The following ANKRD27 variants were observed in gnomAD, a reference collection of about 807,000 sequenced individuals.
ANKRD27 encodes ankyrin repeat domain 27.
Under a neutral mutation model 129.7 loss-of-function variants are expected in ANKRD27, and 112 were observed. That is an observed-to-expected ratio of 0.86 (90% confidence interval 0.74 to 1.01). The LOEUF (loss-of-function observed/expected upper bound fraction) is 1.01, where lower values mean the gene tolerates loss of function less well. ANKRD27 is among the 50% of genes least tolerant of loss of function. The pLI, the probability that ANKRD27 is intolerant of heterozygous loss-of-function variation, is 0.00. For synonymous variants in ANKRD27, 516 were observed against 511.2 expected (o/e 1.01, Z -0.13); for missense variants, 1,258 against 1,300.5 (o/e 0.97, Z 0.50).
At chr19:32,606,151 C>T (rs370246981) in intron 23 of ANKRD27, among the ~76,000 whole-genome samples, 197 bp from the exon 24 acceptor site, 9 of 125,526 alleles carry the variant, frequency 7.2e-5, no homozygotes, top group African/African-American at 1.5e-4. Context: ...GTTTTTCTTT[C>T]TTTTTTTTTT....
At chr19:32,606,139 T>C (rs556010885) in intron 23 of ANKRD27, among the ~76,000 whole-genome samples, 185 bp from the exon 24 acceptor site, 24 of 145,510 alleles carry the variant, frequency 1.6e-4, no homozygotes, top group African/African-American at 6.2e-4. Flanking sequence ...TTGTTCTTTT[T>C]GGTTTTTCTT....
intron 12 of ANKRD27, among the ~76,000 whole-genome samples, chr19:32,632,711 G>A (rs1187026343): frequency 3.3e-5 from 5 of 151,822 alleles, no homozygotes; most frequent in African/African-American, 7.3e-5. Context: ...TGACAAATTC[G>A]CTTCCTGAAA....
intron 20 of ANKRD27, 112 bp downstream of exon 20, chr19:32,619,148 G>A: frequency 7.1e-7 from 1 of 1,411,738 alleles, no homozygotes; most frequent in Non-Finnish European, 9.5e-7. Context: ...GCCTCAGCAT[G>A]GGCAAGCAGG....
Position 32,615,010 on chromosome 19 carries a change from C to A in ANKRD27, c.2175+648G>T, listed in dbSNP as rs73577316. Among the ~76,000 whole-genome samples the A allele has an allele frequency of 1.8e-3, 280 of 152,250 alleles. 1 individual carries two copies. Among genetic ancestry groups the A allele is most frequent in the African/African-American group, 6.4e-3 (268 of 41,556 alleles). ...AAGAGTGAACTCAACTGAGTAAAAG[C>A]AACAGCAGAACATGCGTGCAGCTTC... On this transcript the variant is annotated intron_variant, in intron 22 of 28. Transcript: ENST00000306065.
chr19:32,604,726 G>A (rs1971705900), intron 24 of ANKRD27, among the ~76,000 whole-genome samples: 1 of 152,164 alleles, frequency 6.6e-6, no homozygotes, highest in South Asian at 2.1e-4. Context: ...CAAAGTTTGA[G>A]TAAATAAGTT....
chr19:32,630,631 G>T (rs184439377), intron 13 of ANKRD27, among the ~76,000 whole-genome samples: 3 of 152,290 alleles, frequency 2.0e-5, no homozygotes, highest in African/African-American at 7.2e-5. Context: ...AGCACAGCAC[G>T]CTGGGGGAGG....
intron 2 of ANKRD27, among the ~76,000 whole-genome samples, 169 bp from the exon 3 acceptor site, chr19:32,649,961 T>TCTG (rs1162161985): frequency 6.6e-6 from 1 of 152,158 alleles, no homozygotes; most frequent in African/African-American, 2.4e-5. Flanking sequence ...GCTGAGGTGA[T>TCTG]CTGCTGCTGC....
chr19:32,642,216 A>AAC lies in ANKRD27; in HGVS notation c.783-72_783-71insGT. ...AACCCTCTGGCCTGGATCTAAGAAC[A>AAC]CATCTCAGGATCTACACTTCTCACA... On this transcript the variant is annotated intron_variant, in intron 9 of 28. Coordinates refer to ENST00000306065, the MANE Select transcript of ANKRD27 (RefSeq NM_032139.3). 7 of 1,354,538 alleles carry AAC rather than the reference A, an allele frequency of 5.2e-6. No homozygotes were observed. In the South Asian group the frequency reaches 5.5e-5, roughly 11 times the overall value. The allele number at this position is 1,354,538 out of a possible 1,614,324, so 83.9% of individuals were successfully genotyped here.
At chr19:32,629,927 A>C (rs1445588396) in intron 13 of ANKRD27, among the ~76,000 whole-genome samples, 1 of 148,644 alleles carries the variant, frequency 6.7e-6, no homozygotes, top group African/African-American at 2.5e-5. Context: ...TTTAGAAACA[A>C]GGTCTTGCTA....
intron 1 of ANKRD27, among the ~76,000 whole-genome samples, chr19:32,672,340 C>G (rs1967887460): frequency 6.6e-6 from 1 of 152,204 alleles, no homozygotes; most frequent in Non-Finnish European, 1.5e-5. Context: ...TCCTCCTGAC[C>G]TATAACATTT....
At chr19:32,665,396 T>C (rs1444812344) in intron 1 of ANKRD27, among the ~76,000 whole-genome samples, 1 of 151,662 alleles carries the variant, frequency 6.6e-6, no homozygotes, top group Admixed American at 6.6e-5. Context: ...TTCAAGCAAT[T>C]CTCCTGCCTC....
intron 3 of ANKRD27, 113 bp from the exon 4 acceptor site, chr19:32,646,728 G>C: frequency 1.9e-6 from 2 of 1,071,862 alleles, no homozygotes; most frequent in Admixed American, 2.8e-5. Context: ...CCCCATTGTG[G>C]GTTTGCTGGG....
At chr19:32,664,659 T>TAATAAA (rs1399389861) in intron 1 of ANKRD27, among the ~76,000 whole-genome samples, 51 of 136,406 alleles carry the variant, frequency 3.7e-4, no homozygotes, top group Non-Finnish European at 5.8e-4. Flanking sequence ...ATAATAATAA[T>TAATAAA]AAAAAGTTCT....
intron 13 of ANKRD27, among the ~76,000 whole-genome samples, chr19:32,629,762 C>T (rs1164096928): frequency 9.3e-5 from 14 of 150,622 alleles, no homozygotes; most frequent in Admixed American, 8.0e-4. Flanking sequence ...ATAGGAATGG[C>T]GGGCAGACAA....
intron 2 of ANKRD27, among the ~76,000 whole-genome samples, chr19:32,655,780 G>A (rs1250681503): frequency 6.6e-6 from 1 of 152,122 alleles, no homozygotes; most frequent in Non-Finnish European, 1.5e-5. Flanking sequence ...CACTTTGGGA[G>A]GCCAAGGCAG....
chr19:32,612,810 G>C (rs1971854002), intron 22 of ANKRD27, among the ~76,000 whole-genome samples: 2 of 152,214 alleles, frequency 1.3e-5, no homozygotes, highest in Admixed American at 6.5e-5. Flanking sequence ...ACACAAATTG[G>C]ATCATGGACT....
chr19:32,624,981 G>T lies in ANKRD27; in HGVS notation c.1629+893C>A, dbSNP rs187982469. ...TTAAAAAGTAAAAAATAAAGGCCAG[G>T]TGCGGTGGCTCACTCCTGTAATCCC... is the stretch of plus-strand genomic sequence containing the variant. On this transcript the variant is annotated intron_variant, in intron 17 of 28. Coordinates refer to ENST00000306065, the MANE Select transcript of ANKRD27 (RefSeq NM_032139.3). 9.6e-3 allele frequency among the ~76,000 whole-genome samples: 1,455 copies of T among 152,080 alleles called. 14 individuals carry two copies. The highest frequency in any genetic ancestry group is 0.024 in the Middle Eastern group (7 of 294).
At chr19:32,672,927 C>T (rs938934270) in intron 1 of ANKRD27, 2 of 152,216 alleles carry the variant, frequency 1.3e-5, no homozygotes, top group African/African-American at 2.4e-5. Flanking sequence ...CCTATCATGA[C>T]ATGGTCACAT....
chr19:32,639,670 C>T (rs1967158971), intron 11 of ANKRD27, among the ~76,000 whole-genome samples, 182 bp from the exon 12 acceptor site: 1 of 152,170 alleles, frequency 6.6e-6, no homozygotes, highest in Non-Finnish European at 1.5e-5. Context: ...AGTAAAATGA[C>T]TAGCTAGTTC....
Sources: allele counts gnomAD v4.1 joint callset (sites outside exome capture counted in the v4.1 genomes callset), GRCh38; gene constraint gnomAD v4.1.1; transcripts MANE v1.5; gene names NCBI Gene and HGNC (gene_info 2026-07-23, HGNC 2026-07-21).